The following INPP5D variants were observed in gnomAD, a reference collection of about 807,000 sequenced individuals.
The protein encoded by INPP5D is phosphatidylinositol 3,4,5-trisphosphate 5-phosphatase 1.
In INPP5D, 33 loss-of-function variants were observed where a neutral mutation model predicts 122.9. That is an observed-to-expected ratio of 0.27 (90% CI 0.20 to 0.36). The LOEUF (loss-of-function observed/expected upper bound fraction) is 0.36. INPP5D is among the 10% of genes least tolerant of loss of function. INPP5D has a pLI of 1.00. For synonymous variants in INPP5D, 584 were observed against 576.2 expected (o/e 1.01, Z -0.19); for missense variants, 1,053 against 1,412.7 (o/e 0.75, Z 4.08).
intron 9 of INPP5D, among the ~76,000 whole-genome samples, chr2:233,152,391 T>G (rs1445689348): frequency 2.0e-5 from 3 of 152,188 alleles, no homozygotes; most frequent in African/African-American, 4.8e-5. Flanking sequence ...TCATAAAATA[T>G]TCATGCTCCG....
chr2:233,138,866 C>T (rs1693568981), intron 5 of INPP5D, among the ~76,000 whole-genome samples: 1 of 151,960 alleles, frequency 6.6e-6, no homozygotes, highest in African/African-American at 2.4e-5. Context: ...CTGCCTCAGT[C>T]TTCCGAGTAG....
intron 2 of INPP5D, among the ~76,000 whole-genome samples, chr2:233,103,605 C>A (rs955996399): frequency 1.3e-5 from 2 of 152,118 alleles, no homozygotes; most frequent in East Asian, 3.9e-4. Context: ...CCTGCCTCTG[C>A]CACTTCCAGG....
chr2:233,146,318 C>T, intron 7 of INPP5D, 49 bp from the exon 8 acceptor site: 1 of 704,282 alleles, frequency 1.4e-6, no homozygotes, highest in Non-Finnish European at 2.6e-6. Flanking sequence ...CCCAGATGCA[C>T]AGGCTCGGCG....
At chr2:233,153,349 G>C (rs143761504) in intron 9 of INPP5D, among the ~76,000 whole-genome samples, 11,016 of 152,248 alleles carry the variant, frequency 0.072, 678 homozygotes, top group East Asian at 0.19. Flanking sequence ...CGAGGCTGAT[G>C]TCATTTCCCT....
intron 23 of INPP5D, among the ~76,000 whole-genome samples, chr2:233,195,142 C>T (rs1345098896): frequency 6.6e-6 from 1 of 152,188 alleles, no homozygotes; most frequent in Non-Finnish European, 1.5e-5. Flanking sequence ...TTGTTTCTTG[C>T]TGAGACCAGT....
chr2:233,065,212 G>T (rs576781020), intron 1 of INPP5D, among the ~76,000 whole-genome samples: 1 of 152,080 alleles, frequency 6.6e-6, no homozygotes, highest in Admixed American at 6.5e-5. Context: ...AGTCCTTTCG[G>T]GTCCAGAGAT....
Position 233,146,221 on chromosome 2 carries a change from G to A in INPP5D, c.813G>A (p.Leu271=), listed in dbSNP as rs144907187. The change falls in exon 7 of 27, where the codon CTG becomes CTA. Residue 271 remains leucine (L), a synonymous_variant. Coordinates refer to ENST00000445964, the MANE Select transcript of INPP5D (RefSeq NM_001017915.3). ...CCAAGCTCAGCCAACTGACAAGCCT[G>A]TTGTCGTCCATTGAAGACAAGGTAC... ...MVSKLSQLTS[L]LSSIEDKVKA... is the part of the protein sequence containing the mutation. The A allele has an allele frequency of 4.8e-4, 336 of 704,280 alleles. 1 individual carries two copies. In the African/African-American group the frequency reaches 5.5e-3, roughly 11 times the overall value. The allele number at this position is 704,280 out of a possible 1,614,324, so 43.6% of individuals were successfully genotyped here.
chr2:233,080,294 C>T (rs1274603168), intron 2 of INPP5D, among the ~76,000 whole-genome samples: 1 of 152,130 alleles, frequency 6.6e-6, no homozygotes. Flanking sequence ...ACCCTAAGCA[C>T]GGTTTACTAA....
Position 233,159,644 on chromosome 2 carries a change from T to C in INPP5D, c.1137+1225T>C, listed in dbSNP as rs1171560625. 2.9e-5 allele frequency among the ~76,000 whole-genome samples: 4 copies of C among 135,742 alleles called. No homozygotes were observed. The South Asian group carries it at 6.8e-4, about 23-fold the overall frequency. The allele number at this position is 135,742 out of a possible 152,430, so 89.1% of individuals were successfully genotyped here. A position where few individuals can be genotyped will look rare whatever the true frequency, so the allele number is the denominator to read the frequency against. ...AGGAGTTTGAGGCTGCAGTGAGCTA[T>C]GATCACACCACTGCACTCCAGCCTA... On this transcript the variant is annotated intron_variant, in intron 10 of 26. Transcript: ENST00000445964.
rs1179670510 is a variant in INPP5D, at chr2:233,142,711, T to TC, written c.753+2784dup. Among the ~76,000 whole-genome samples, 388 of 152,154 alleles carry TC rather than the reference T, an allele frequency of 2.6e-3. 2 individuals are homozygous for TC. The highest frequency in any genetic ancestry group is 8.9e-3 in the African/African-American group (368 of 41,530). On this transcript the variant is annotated intron_variant, in intron 6 of 26. Coordinates refer to ENST00000445964, the MANE Select transcript of INPP5D (RefSeq NM_001017915.3). The stretch of plus-strand genomic sequence containing the variant: ...TGGTTAACCTGCCTTGGCGCCCACT[T>TC]CCTTTTTTTTTGAAAAGTGCAACTG...
chr2:233,189,713 C>G lies in INPP5D; in HGVS notation c.2359-137C>G. The G allele has an allele frequency of 1.5e-6, 2 of 1,300,444 alleles. No homozygotes were observed. Among genetic ancestry groups the G allele is most frequent in the Non-Finnish European group, 2.1e-6 (2 of 970,182 alleles). The allele number at this position is 1,300,444 out of a possible 1,614,324, so 80.6% of individuals were successfully genotyped here. A position where few individuals can be genotyped will look rare whatever the true frequency, so the allele number is the denominator to read the frequency against. On this transcript the variant is annotated intron_variant, in intron 21 of 26. Coordinates refer to ENST00000445964, the MANE Select transcript of INPP5D (RefSeq NM_001017915.3). This position sits in a 1 kb window ranked among gnomAD's most constrained non-coding sequence, Gnocchi z 5.6. ...ATGTGAAAGCTATACCCCACCTGCT[C>G]TCTTGGGTATGGACAGCAGAGATTT...
rs943883616 is a variant in INPP5D, at chr2:233,139,327, C to T, written c.666-515C>T. On this transcript the variant is annotated intron_variant, in intron 5 of 26. Transcript: ENST00000445964. ...CAATGGATGTGACAATGGGAAAATC[C>T]GTCTGAGCCTGCATTTGGGCTGCTA... Among the ~76,000 whole-genome samples the T allele has an allele frequency of 1.8e-3, 269 of 152,204 alleles. 1 individual carries two copies. The highest frequency in any genetic ancestry group is 6.2e-3 in the African/African-American group (258 of 41,540).
chr2:233,195,998 G>A lies in INPP5D; in HGVS notation c.2693+503G>A, dbSNP rs1695173400. On this transcript the variant is annotated intron_variant, in intron 24 of 26. Transcript: ENST00000445964. Reference sequence around the variant, plus strand: ...AAATAATAATAATACTTAGCTGGGTGTAGTAGTCCTAACTACTTAGGAGGC... The same window carrying A: ...AAATAATAATAATACTTAGCTGGGTATAGTAGTCCTAACTACTTAGGAGGC... 3.3e-5 allele frequency among the ~76,000 whole-genome samples: 5 copies of A among 152,204 alleles called. No homozygotes were observed. The South Asian group carries it at 1.0e-3, about 32-fold the overall frequency.
rs756001826 is a variant in INPP5D, at chr2:233,171,126, G to A, written c.1963G>A (p.Ala655Thr). 6 of 1,613,458 alleles carry A rather than the reference G, an allele frequency of 3.7e-6. No individual in the cohort carries two copies. Among genetic ancestry groups the A allele is most frequent in the Non-Finnish European group, 5.1e-6 (6 of 1,179,812 alleles). Residue 655 changes from alanine (A) to threonine (T), a missense_variant, in exon 17 of 27, where the codon GCC becomes ACC. This residue lies in a region of INPP5D where 258 missense variants were observed against 439.1 expected (regional missense o/e 0.59). Transcript: ENST00000445964. The stretch of plus-strand genomic sequence containing the variant: ...TGAGAGACTGACTCGGGACAAATAC[G>A]CCTACACCAAGCAGAAAGCGACAGG... Reference protein sequence around the residue: ...RFERLTRDKYAYTKQKATGMK... With the variant: ...RFERLTRDKYTYTKQKATGMK...
At chr2:233,198,763 C>T (rs530076344) in intron 25 of INPP5D, among the ~76,000 whole-genome samples, 6 of 150,934 alleles carry the variant, frequency 4.0e-5, no homozygotes, top group Admixed American at 2.0e-4. Flanking sequence ...CCAGCCTGAC[C>T]AACATGGAAA....
At chr2:233,153,360 T>C (rs1465815499) in intron 9 of INPP5D, among the ~76,000 whole-genome samples, 2 of 152,128 alleles carry the variant, frequency 1.3e-5, no homozygotes, top group Non-Finnish European at 2.9e-5. Context: ...TCATTTCCCT[T>C]TGGGGAGGCT....
chr2:233,092,429 T>C (rs560457310), intron 2 of INPP5D, among the ~76,000 whole-genome samples: 77 of 152,292 alleles, frequency 5.1e-4, no homozygotes, highest in African/African-American at 1.8e-3. Context: ...AAATGGAGAT[T>C]GCTTGCCTTC....
Position 233,140,163 on chromosome 2 carries a change from C to G in INPP5D, c.753+234C>G, listed in dbSNP as rs934586212. The G allele has an allele frequency of 3.5e-3, 1,118 of 317,950 alleles. 22 individuals are homozygous for G. Among genetic ancestry groups the G allele is most frequent in the African/African-American group, 0.022 (1,032 of 46,776 alleles). The allele number at this position is 317,950 out of a possible 1,614,324, so 19.7% of individuals were successfully genotyped here. The stretch of plus-strand genomic sequence containing the variant: ...AGGAATAAAGATTTCAAATTATGCA[C>G]TCATCAGCAAAACTTATTTGTGCCA... On this transcript the variant is annotated intron_variant, in intron 6 of 26. Transcript: ENST00000445964.
chr2:233,077,474 A>T lies in INPP5D; in HGVS notation c.135-1861A>T, dbSNP rs191994274. Among the ~76,000 whole-genome samples the T allele has an allele frequency of 5.3e-3, 802 of 152,208 alleles. 7 individuals are homozygous for T. The highest frequency in any genetic ancestry group is 7.9e-3 in the Non-Finnish European group (537 of 67,990). On this transcript the variant is annotated intron_variant, in intron 1 of 26. Transcript: ENST00000445964. ...TCAGGAGTCGAGACCAGCCTGACCA[A>T]TATGGAGAAACCCCATCTCTACTAA...
Sources: allele counts gnomAD v4.1 joint callset (sites outside exome capture counted in the v4.1 genomes callset), GRCh38; gene constraint gnomAD v4.1.1; regional missense constraint gnomAD v4.1.1; non-coding constraint Gnocchi (gnomAD v3.1); transcripts MANE v1.5; gene names NCBI Gene and HGNC (gene_info 2026-07-23, HGNC 2026-07-21).